Variants in MTFR1 observed in about 807,000 individuals in gnomAD.
MTFR1 encodes the protein mitochondrial fission regulator 1, also known as chondrocyte protein with a poly-proline region.
In MTFR1, 28 loss-of-function variants were observed where a neutral mutation model predicts 38.8. That is an observed-to-expected ratio of 0.72 (90% CI 0.53 to 0.99). The LOEUF (loss-of-function observed/expected upper bound fraction) is 0.99, where lower values mean the gene tolerates loss of function less well. MTFR1 is among the 50% of genes least tolerant of loss of function. The pLI is 0.00. For synonymous variants in MTFR1, 145 were observed against 137.0 expected (o/e 1.06, Z -0.41); for missense variants, 358 against 395.5 (o/e 0.91, Z 0.81).
intron 3 of MTFR1, among the ~76,000 whole-genome samples, chr8:65,767,965 T>G (rs1015729095): frequency 6.6e-6 from 1 of 151,990 alleles, no homozygotes; most frequent in Non-Finnish European, 1.5e-5. Context: ...GTGTCTGGGT[T>G]TTGGGGGCTG....
intron 3 of MTFR1, among the ~76,000 whole-genome samples, chr8:65,689,388 A>AT (rs1178971927): frequency 3.9e-5 from 6 of 152,110 alleles, no homozygotes; most frequent in African/African-American, 1.4e-4. Flanking sequence ...AAATGAACTG[A>AT]TTTTTTTGGT....
At chr8:65,712,263 AG>A (rs1403067305), downstream of MTFR1, among the ~76,000 whole-genome samples, 19 of 152,302 alleles carry the variant, frequency 1.2e-4, no homozygotes, top group Admixed American at 1.2e-3. Context: ...GTACAAGGGG[AG>A]GGAAGTGCAT....
downstream of MTFR1, chr8:65,714,811 CA>C (rs1806069782): frequency 2.6e-5 from 4 of 152,128 alleles, no homozygotes; most frequent in Non-Finnish European, 5.9e-5. Flanking sequence ...AAAAAAAGAT[CA>C]TTTTCAGAAT....
chr8:65,651,234 G>A (rs561817301), intron 1 of MTFR1, among the ~76,000 whole-genome samples: 21 of 152,046 alleles, frequency 1.4e-4, no homozygotes, highest in African/African-American at 2.4e-4. Flanking sequence ...TTTTTTTTCC[G>A]TTCTGTGGGT....
chr8:65,662,820 C>A (rs532530196), intron 1 of MTFR1, among the ~76,000 whole-genome samples: 1 of 146,932 alleles, frequency 6.8e-6, no homozygotes, highest in Non-Finnish European at 1.5e-5. Context: ...TGGGGGTCAG[C>A]CCCCCGCCCG....
Position 65,670,014 on chromosome 8 carries a change from A to C in MTFR1, c.62A>C (p.Gln21Pro), listed in dbSNP as rs745486938. 1.9e-6 allele frequency: 3 copies of C among 1,596,166 alleles called. No homozygotes were observed. The Admixed American group carries it at 5.6e-5, about 30-fold the overall frequency. ...MVFQQVGVSM[Q>P]SVLWSRKPYG... is the part of the protein sequence containing the mutation. ...TTTCAACAAGTTGGAGTAAGCATGCAATCGGTGAGTGCTCAAAATTCATTT... is the reference window on the plus strand; with the variant it reads ...TTTCAACAAGTTGGAGTAAGCATGCCATCGGTGAGTGCTCAAAATTCATTT... The change falls in exon 2 of 8, where the codon CAA (glutamine) becomes CCA (proline). Residue 21 changes from glutamine to proline, a missense_variant. Gln to Pro is a moderately conservative substitution (Grantham distance 76). Coordinates refer to ENST00000262146, the MANE Select transcript of MTFR1 (RefSeq NM_014637.4).
chr8:65,661,504 G>A (rs183908567), intron 1 of MTFR1, among the ~76,000 whole-genome samples: 4 of 152,216 alleles, frequency 2.6e-5, no homozygotes, highest in African/African-American at 9.6e-5. Flanking sequence ...GGGTGCTGTG[G>A]TGCATGCCTG....
intron 4 of MTFR1, among the ~76,000 whole-genome samples, chr8:65,694,226 C>T (rs577080229): frequency 6.6e-6 from 1 of 152,108 alleles, no homozygotes; most frequent in South Asian, 2.1e-4. Flanking sequence ...AGGCACGCAC[C>T]ACCACACCCA....
At chr8:65,727,391 A>C in intron 3 of MTFR1, 1 of 1,543,064 alleles carries the variant, frequency 6.5e-7, no homozygotes. Context: ...AGCCAATGGT[A>C]GTGGTGGTAA....
At chr8:65,694,825 TG>T (rs1805386717) in intron 4 of MTFR1, among the ~76,000 whole-genome samples, 1 of 152,068 alleles carries the variant, frequency 6.6e-6, no homozygotes, top group Non-Finnish European at 1.5e-5. Flanking sequence ...GCCAAGTAAA[TG>T]GAAGGCTGGT....
chr8:65,678,588 C>G (rs1804782766), intron 2 of MTFR1, among the ~76,000 whole-genome samples: 1 of 152,034 alleles, frequency 6.6e-6, no homozygotes, highest in South Asian at 2.1e-4. Context: ...CCTAAATAAT[C>G]TACTTATTCC....
intron 4 of MTFR1, among the ~76,000 whole-genome samples, chr8:65,698,408 G>A (rs915815091): frequency 2.6e-5 from 4 of 151,904 alleles, no homozygotes; most frequent in Non-Finnish European, 2.9e-5. Flanking sequence ...CCAAAGTGCT[G>A]GGATTACAGG....
intron 2 of MTFR1, among the ~76,000 whole-genome samples, chr8:65,716,252 C>G (rs1338536827): frequency 6.6e-6 from 1 of 151,870 alleles, no homozygotes. Flanking sequence ...GAAATGGGAG[C>G]CACACCCACA....
At chr8:65,688,690 C>T (rs1385013482) in intron 3 of MTFR1, among the ~76,000 whole-genome samples, 5 of 151,194 alleles carry the variant, frequency 3.3e-5, no homozygotes, top group African/African-American at 4.8e-5. Flanking sequence ...GTGATCCGCC[C>T]GCCTTCAGGC....
At chr8:65,644,333 G>C (rs1808889018), upstream of MTFR1, among the ~76,000 whole-genome samples, 1 of 152,142 alleles carries the variant, frequency 6.6e-6, no homozygotes, top group Non-Finnish European at 1.5e-5. Context: ...AGATCTGCCG[G>C]GTGGACACAG....
intron 3 of MTFR1, among the ~76,000 whole-genome samples, chr8:65,732,067 C>T (rs1468553270): frequency 4.6e-5 from 7 of 151,992 alleles, no homozygotes; most frequent in Admixed American, 3.3e-4. Context: ...GGCATGATCT[C>T]GGTTCACTGG....
intron 3 of MTFR1, among the ~76,000 whole-genome samples, chr8:65,738,177 A>T (rs977458918): frequency 7.2e-5 from 11 of 152,340 alleles, no homozygotes; most frequent in African/African-American, 2.6e-4. Flanking sequence ...TATACACCTT[A>T]ATTTAAAAGA....
chr8:65,776,270 T>C, the MTFR1 span, among the ~76,000 whole-genome samples: 2 of 152,206 alleles, frequency 1.3e-5, no homozygotes, highest in Admixed American at 1.3e-4. Context: ...AATATCCATA[T>C]ATGTGTGGGT....
chr8:65,778,594 G>A, the MTFR1 span, among the ~76,000 whole-genome samples: 1 of 152,174 alleles, frequency 6.6e-6, no homozygotes, highest in African/African-American at 2.4e-5. Flanking sequence ...GTTATTTTAT[G>A]CCAATAAGTT....
Sources: gnomAD v4.1 joint callset for allele counts (sites outside exome capture counted in the v4.1 genomes callset) on GRCh38, gnomAD v4.1.1 for gene constraint, MANE v1.5 for transcripts, NCBI Gene and HGNC (gene_info 2026-07-23, HGNC 2026-07-21) for gene names.